Variants in SLC4A10 observed in about 807,000 individuals in gnomAD.
SLC4A10 encodes the protein solute carrier family 4 member 10.
A neutral mutation model predicts 137.7 loss-of-function variants in SLC4A10; 42 were observed. The observed-to-expected ratio is 0.30, with a 90% CI of 0.24 to 0.39. The LOEUF (loss-of-function observed/expected upper bound fraction) is 0.39, where lower values mean the gene tolerates loss of function less well. Among genes scored for constraint, SLC4A10 ranks in the 10% least tolerant of loss-of-function variants. The pLI is 1.00. For synonymous variants in SLC4A10, 474 were observed against 464.1 expected (o/e 1.02, Z -0.27); for missense variants, 925 against 1,355.0 (o/e 0.68, Z 4.98).
chr2:161,913,419 A>G (rs1020755112), intron 15 of SLC4A10, among the ~76,000 whole-genome samples: 1 of 152,204 alleles, frequency 6.6e-6, no homozygotes, highest in African/African-American at 2.4e-5. Context: ...ATAATAAATA[A>G]TAAAGCCACT....
At chr2:161,877,059 A>T (rs192350495) in intron 8 of SLC4A10, among the ~76,000 whole-genome samples, 1 of 152,048 alleles carries the variant, frequency 6.6e-6, no homozygotes, top group Admixed American at 6.6e-5. Flanking sequence ...TAAAGATCAT[A>T]TGTAATGACC....
chr2:161,764,614 G>T (rs948796861), intron 1 of SLC4A10, among the ~76,000 whole-genome samples: 2 of 152,096 alleles, frequency 1.3e-5, no homozygotes, highest in Non-Finnish European at 2.9e-5. Flanking sequence ...ATGGGCAAGA[G>T]TTACAGTAAA....
chr2:161,813,322 G>C (rs1053354532), intron 3 of SLC4A10, among the ~76,000 whole-genome samples: 3 of 152,086 alleles, frequency 2.0e-5, no homozygotes, highest in Non-Finnish European at 4.4e-5. Flanking sequence ...GTTTCCAACA[G>C]TATGTATAAT....
At chr2:161,716,117 G>C (rs2044842615) in intron 1 of SLC4A10, among the ~76,000 whole-genome samples, 2 of 150,806 alleles carry the variant, frequency 1.3e-5, no homozygotes, top group African/African-American at 4.9e-5. Flanking sequence ...ATGTTTTTTG[G>C]CTGCTTATAT....
chr2:161,629,127 TC>T (rs1392223929), intron 1 of SLC4A10, among the ~76,000 whole-genome samples: 1 of 151,950 alleles, frequency 6.6e-6, no homozygotes, highest in Non-Finnish European at 1.5e-5. Flanking sequence ...GAGAGAGACT[TC>T]AACTCTTCCT....
intron 1 of SLC4A10, among the ~76,000 whole-genome samples, chr2:161,636,438 G>A (rs4664432): frequency 0.91 from 137,814 of 152,186 alleles, 62,507 homozygotes; most frequent in East Asian, 1. Flanking sequence ...CTTGTTGCCC[G>A]GGCTGGAGTG....
intron 1 of SLC4A10, among the ~76,000 whole-genome samples, chr2:161,747,179 A>G (rs1228222997): frequency 6.6e-6 from 1 of 152,088 alleles, no homozygotes; most frequent in East Asian, 1.9e-4. Flanking sequence ...CAGTTTATTT[A>G]GGAGCCCAAA....
intron 3 of SLC4A10, among the ~76,000 whole-genome samples, chr2:161,813,067 T>C (rs1011533461): frequency 1.3e-5 from 2 of 152,054 alleles, no homozygotes; most frequent in African/African-American, 4.8e-5. Context: ...TTCTGGTTGG[T>C]AGAGTGTATC....
At chr2:161,746,735 A>G (rs1287601683) in intron 1 of SLC4A10, among the ~76,000 whole-genome samples, 1 of 151,990 alleles carries the variant, frequency 6.6e-6, no homozygotes, top group African/African-American at 2.4e-5. Context: ...CTAAGGCCTA[A>G]GGAAACTGCC....
intron 23 of SLC4A10, among the ~76,000 whole-genome samples, chr2:161,967,363 T>C (rs186858638): frequency 7.9e-5 from 12 of 152,320 alleles, no homozygotes; most frequent in Admixed American, 6.5e-4. Flanking sequence ...ACCCTCGACC[T>C]TGAACTGGAA....
At chr2:161,844,194 C>T (rs943251842) in intron 4 of SLC4A10, among the ~76,000 whole-genome samples, 1 of 152,064 alleles carries the variant, frequency 6.6e-6, no homozygotes, top group Non-Finnish European at 1.5e-5. Context: ...TAGCGTTAGG[C>T]TTCTGATACA....
At chr2:161,803,364 G>C (rs1449461892) in intron 2 of SLC4A10, among the ~76,000 whole-genome samples, 2 of 152,012 alleles carry the variant, frequency 1.3e-5, no homozygotes, top group East Asian at 3.9e-4. Context: ...AACATTAATA[G>C]GTTATTATCA....
intron 5 of SLC4A10, among the ~76,000 whole-genome samples, chr2:161,859,696 G>C (rs1324218106): frequency 2.1e-5 from 3 of 145,106 alleles, no homozygotes; most frequent in African/African-American, 7.6e-5. Context: ...CGCCTCCCGG[G>C]TTCACGCCAT....
chr2:161,880,653 A>G (rs182381545), intron 9 of SLC4A10, among the ~76,000 whole-genome samples: 26 of 152,260 alleles, frequency 1.7e-4, no homozygotes, highest in East Asian at 1.2e-3. Flanking sequence ...GATTCAGGCT[A>G]TATGTTTTCT....
At chr2:161,681,525 T>A (rs1188168473) in intron 1 of SLC4A10, among the ~76,000 whole-genome samples, 1 of 152,138 alleles carries the variant, frequency 6.6e-6, no homozygotes, top group Non-Finnish European at 1.5e-5. Context: ...AAAACATGGA[T>A]AACTTTTCTT....
intron 10 of SLC4A10, among the ~76,000 whole-genome samples, chr2:161,889,934 A>C (rs1030498603): frequency 1.3e-5 from 2 of 152,118 alleles, no homozygotes; most frequent in African/African-American, 4.8e-5. Context: ...TAGTGCTATA[A>C]ATTTCCCTCT....
At chr2:161,829,096 C>G (rs2058250475) in intron 3 of SLC4A10, among the ~76,000 whole-genome samples, 1 of 151,916 alleles carries the variant, frequency 6.6e-6, no homozygotes, top group Non-Finnish European at 1.5e-5. Context: ...CTGACTTAAT[C>G]CCACCTCTTC....
chr2:161,836,531 AG>A (rs2058788060), intron 3 of SLC4A10, among the ~76,000 whole-genome samples: 1 of 8,014 alleles, frequency 1.2e-4, no homozygotes, highest in Non-Finnish European at 6.3e-4. Flanking sequence ...AGAGAGAGAG[AG>A]AAAGAAAGAA....
intron 21 of SLC4A10, among the ~76,000 whole-genome samples, chr2:161,963,409 A>C (rs921096353): frequency 6.6e-6 from 1 of 152,172 alleles, no homozygotes; most frequent in Non-Finnish European, 1.5e-5. Flanking sequence ...ATGACGTGAC[A>C]GTGCTGTATA....
Sources: gnomAD v4.1 joint callset for allele counts (sites outside exome capture counted in the v4.1 genomes callset) on GRCh38, gnomAD v4.1.1 for gene constraint, MANE v1.5 for transcripts, NCBI Gene and HGNC (gene_info 2026-07-23, HGNC 2026-07-21) for gene names.